UBR4: variants seen among roughly 807,000 people sequenced by gnomAD.
UBR4 encodes the protein ubiquitin protein ligase E3 component n-recognin 4.
UBR4 carries 124 observed loss-of-function variants against 575.6 expected under a neutral mutation model. The observed-to-expected ratio is 0.22, with a 90% confidence interval of 0.19 to 0.25. The LOEUF (loss-of-function observed/expected upper bound fraction) is 0.25. Among genes scored for constraint, UBR4 ranks in the 10% least tolerant of loss-of-function variants. The pLI, the probability that UBR4 is intolerant of heterozygous loss-of-function variation, is 1.00. For synonymous variants in UBR4, 2,455 were observed against 2,473.7 expected (o/e 0.99, Z 0.22); for missense variants, 4,818 against 6,478.8 (o/e 0.74, Z 8.80).
chr1:19,209,862 G>C (rs1392652763), intron 1 of UBR4, among the ~76,000 whole-genome samples: 2 of 152,188 alleles, frequency 1.3e-5, no homozygotes, highest in African/African-American at 4.8e-5. Context: ...AGTTTTGCTC[G>C]AGAGGGGAAA....
chr1:19,101,471 G>C, intron 88 of UBR4, 49 bp downstream of exon 88: 4 of 1,562,964 alleles, frequency 2.6e-6, no homozygotes, highest in Non-Finnish European at 3.5e-6. Context: ...TCATGGCAAA[G>C]TGGGCTGTGC....
chr1:19,193,201 T>C (rs1272682526), intron 9 of UBR4, among the ~76,000 whole-genome samples: 2 of 152,232 alleles, frequency 1.3e-5, no homozygotes, highest in East Asian at 3.8e-4. Flanking sequence ...ATTTGCTGAA[T>C]TAATGGCTAA....
At chr1:19,187,981 T>C (rs760232999) in intron 11 of UBR4, among the ~76,000 whole-genome samples, 2 of 151,660 alleles carry the variant, frequency 1.3e-5, no homozygotes, top group Non-Finnish European at 2.9e-5. Context: ...GGTGCACCAC[T>C]GCACTCCAGC....
In UBR4 at chr1:19,120,298, G is replaced by T; in HGVS notation, c.10192C>A (p.Gln3398Lys). 6.2e-7 allele frequency: 1 copy of T among 1,614,104 alleles called. No homozygotes were observed. Among genetic ancestry groups the T allele is most frequent in the Non-Finnish European group, 8.5e-7 (1 of 1,180,014 alleles). ...TCCTTATCGGCAAATTTGTTCAGCT[G>T]GTTCACCAGAGCTGTGCACAGCTGG... ...EDQLCTALVN[Q>K]LNKFADKETL... Residue 3398 changes from glutamine to lysine, a missense_variant, in exon 69 of 106, where the codon CAG becomes AAG. This residue lies in a region of UBR4 where 550 missense variants were observed against 791.5 expected (regional missense o/e 0.69). Transcript: ENST00000375254.
chr1:19,165,785 C>T, intron 29 of UBR4, 28 bp from the exon 30 acceptor site: 1 of 1,582,154 alleles, frequency 6.3e-7, no homozygotes, highest in Non-Finnish European at 8.7e-7. Flanking sequence ...AACTTAACCA[C>T]CAGTATTAAG....
intron 61 of UBR4, 46 bp downstream of exon 61, chr1:19,128,932 C>T (rs753142520): frequency 3.3e-5 from 52 of 1,555,970 alleles, no homozygotes; most frequent in East Asian, 1.1e-4. Context: ...TGCTTAAGGA[C>T]GGTCCAATCA....
Position 19,167,002 on chromosome 1 carries a change from C to G in UBR4, c.4109+20G>C. On this transcript the variant is annotated intron_variant, in intron 29 of 105. Transcript: ENST00000375254. ...CAGCAGTAGGTCATAGGAAACCTGA[C>G]TGTTCTCCATCAGGCTCACCTGTTA... 1 of 1,613,940 alleles carries G rather than the reference C, an allele frequency of 6.2e-7. No individual in the cohort carries two copies. The highest frequency in any genetic ancestry group is 8.5e-7 in the Non-Finnish European group (1 of 1,179,804).
Position 19,089,721 on chromosome 1 carries a change from A to G in UBR4, c.14212-744T>C, listed in dbSNP as rs1015591493. On this transcript the variant is annotated intron_variant, in intron 97 of 105. Transcript: ENST00000375254. This position sits in a 1 kb window ranked among gnomAD's most constrained non-coding sequence, Gnocchi z 4.3. ...ACCAACCTGTCACAAGTGACTTGAC[A>G]GCAATGATTACATATGAGACAACAG... Among the ~76,000 whole-genome samples, 2 of 152,268 alleles carry G rather than the reference A, an allele frequency of 1.3e-5. No homozygotes were observed. The highest frequency in any genetic ancestry group is 2.9e-5 in the Non-Finnish European group (2 of 68,056).
intron 97 of UBR4, among the ~76,000 whole-genome samples, chr1:19,092,385 G>A (rs914565258): frequency 6.6e-6 from 1 of 152,064 alleles, no homozygotes; most frequent in African/African-American, 2.4e-5. Flanking sequence ...GTTAGGATTG[G>A]ATTTGTGAGG....
In UBR4 at chr1:19,140,387, C is replaced by T. The variant is rs546081362; in HGVS notation, c.8593+401G>A. ...TGAAGTATAATCTAGCTTCTTATAG[C>T]TCTCCTTTTATTTGCAAATGAAGAT... On this transcript the variant is annotated intron_variant, in intron 58 of 105. Coordinates refer to ENST00000375254, the MANE Select transcript of UBR4 (RefSeq NM_020765.3). Among the ~76,000 whole-genome samples the T allele has an allele frequency of 1.6e-4, 24 of 152,314 alleles. No individual in the cohort carries two copies. The South Asian group carries it at 4.8e-3, about 30-fold the overall frequency.
At position 19,114,021 on chromosome 1, in the gene UBR4, T is replaced by A; in HGVS notation, c.11252A>T (p.His3751Leu). 1 of 1,614,218 alleles carries A rather than the reference T, an allele frequency of 6.2e-7. No homozygotes were observed. Among genetic ancestry groups the A allele is most frequent in the Non-Finnish European group, 8.5e-7 (1 of 1,180,030 alleles). ...TLLDKADRVYHQLMGHRPQLE... is the reference protein window; with the variant it reads ...TLLDKADRVYLQLMGHRPQLE... Reference sequence around the variant, plus strand: ...CTGTGGCCGGTGTCCCATCAGCTGATGATACACTCGATCAGCTTTGTCCAA... The same window carrying A: ...CTGTGGCCGGTGTCCCATCAGCTGAAGATACACTCGATCAGCTTTGTCCAA... The change falls in exon 76 of 106, where the codon CAT becomes CTT. Residue 3751 changes from histidine to leucine, a missense_variant. Physicochemically the swap from His to Leu is moderately conservative, Grantham distance 99. Coordinates refer to ENST00000375254, the MANE Select transcript of UBR4 (RefSeq NM_020765.3).
chr1:19,168,113 C>A lies in UBR4; in HGVS notation c.3813G>T (p.Gly1271=), dbSNP rs1198921422. Residue 1271 remains glycine, a synonymous_variant, in exon 28 of 106, where the codon GGG becomes GGT. Transcript: ENST00000375254. ...GGGGCAGACTTTGGCTACAGAGAGTCCCCAGGTGTGCAGCCTGCACTGCAC... is the reference window on the plus strand; with the variant it reads ...GGGGCAGACTTTGGCTACAGAGAGTACCCAGGTGTGCAGCCTGCACTGCAC... ...YISAVQAAHL[G]TLCSQSLPLA... The A allele has an allele frequency of 1.9e-6, 3 of 1,613,354 alleles. No individual in the cohort carries two copies. The highest frequency in any genetic ancestry group is 2.5e-6 in the Non-Finnish European group (3 of 1,179,458).
In UBR4 at chr1:19,118,775, C is replaced by T. The variant is rs545778633; in HGVS notation, c.10541+97G>A. 35 of 1,248,416 alleles carry T rather than the reference C, an allele frequency of 2.8e-5. 1 individual carries two copies. The highest frequency in any genetic ancestry group is 8.8e-5 in the South Asian group (7 of 79,294). 77.3% of individuals were successfully genotyped at this position (1,248,416 alleles called of 1,614,324 possible). A position where few individuals can be genotyped will look rare whatever the true frequency, so the allele number is the denominator to read the frequency against. On this transcript the variant is annotated intron_variant, in intron 71 of 105. Transcript: ENST00000375254. ...TAGGCAGATTCGCTCTTCTCTCAGG[C>T]GCTTGTCAATTCCTATGTAAGAGCC... is the stretch of plus-strand genomic sequence containing the variant.
At chr1:19,104,473 G>C in intron 86 of UBR4, 112 bp downstream of exon 86, 1 of 1,272,412 alleles carries the variant, frequency 7.9e-7, no homozygotes, top group East Asian at 2.5e-5. Flanking sequence ...GCTTAAATCT[G>C]CACTAAGGTC....
At chr1:19,155,320 A>C (rs1571215656) in intron 43 of UBR4, 121 bp downstream of exon 43, 2 of 1,157,838 alleles carry the variant, frequency 1.7e-6, no homozygotes, top group Middle Eastern at 2.6e-4. Flanking sequence ...AGAAAAAGAA[A>C]AAAAGATCCA....
At position 19,115,602 on chromosome 1, in the gene UBR4, A is replaced by G; in HGVS notation, c.10859T>C (p.Leu3620Pro). The G allele has an allele frequency of 6.2e-7, 1 of 1,614,214 alleles. No individual in the cohort carries two copies. The highest frequency in any genetic ancestry group is 1.1e-5 in the South Asian group (1 of 91,076). The change falls in exon 74 of 106, where the codon CTG (leucine) becomes CCG (proline). Residue 3620 changes from leucine to proline, a missense_variant. Around this residue, in one of 29 missense-constraint regions of UBR4, gnomAD observed 550 missense variants for 791.5 expected, o/e 0.69. Transcript: ENST00000375254. Reference sequence around the variant, plus strand: ...CTTCACCTCTGTCTGTCCAGGGGTCAGCTGAACCTTCTTGGCTTTGTGCCA... The same window carrying G: ...CTTCACCTCTGTCTGTCCAGGGGTCGGCTGAACCTTCTTGGCTTTGTGCCA... ...ARWHKAKKVQ[L>P]TPGQTEVKID...
intron 90 of UBR4, among the ~76,000 whole-genome samples, chr1:19,099,114 T>G (rs1264220427): frequency 1.3e-5 from 2 of 152,122 alleles, no homozygotes; most frequent in African/African-American, 4.8e-5. Context: ...CCTTTTCCCC[T>G]CCTCAAGAAT....
At chr1:19,099,805 C>T (rs1291958494) in intron 89 of UBR4, 128 bp from the exon 90 acceptor site, 2 of 720,612 alleles carry the variant, frequency 2.8e-6, no homozygotes, top group East Asian at 5.6e-5. Flanking sequence ...CCTATCAACT[C>T]TCCCACTCTT....
At chr1:19,133,148 A>G (rs1002491272) in intron 60 of UBR4, among the ~76,000 whole-genome samples, 5 of 152,216 alleles carry the variant, frequency 3.3e-5, no homozygotes, top group Non-Finnish European at 7.4e-5. Flanking sequence ...TGACAAAGAC[A>G]TCTCAAAGAA....
Sources: allele counts gnomAD v4.1 joint callset (sites outside exome capture counted in the v4.1 genomes callset), GRCh38; gene constraint gnomAD v4.1.1; regional missense constraint gnomAD v4.1.1; non-coding constraint Gnocchi (gnomAD v3.1); transcripts MANE v1.5; gene names NCBI Gene and HGNC (gene_info 2026-07-23, HGNC 2026-07-21).